CTDP1: variants seen among roughly 807,000 people sequenced by gnomAD.
CTDP1 encodes CTD phosphatase 1.
CTDP1 carries 47 observed loss-of-function variants against 91.8 expected under a neutral mutation model. The ratio of observed to expected loss-of-function variants is 0.51; its 90% CI spans 0.41 to 0.65. CTDP1 has a LOEUF of 0.65. Among genes scored for constraint, CTDP1 ranks in the 30% least tolerant of loss-of-function variants. CTDP1 has a pLI of 0.00. For synonymous variants in CTDP1, 656 were observed against 598.5 expected (o/e 1.10, Z -1.40); for missense variants, 1,272 against 1,373.7 (o/e 0.93, Z 1.17).
chr18:79,727,372 G>A lies in CTDP1; in HGVS notation c.2418-1535G>A, dbSNP rs553777853. Among the ~76,000 whole-genome samples, 13 of 152,292 alleles carry A rather than the reference G, an allele frequency of 8.5e-5. No individual in the cohort carries two copies. The South Asian group carries it at 2.1e-3, about 24-fold the overall frequency. On this transcript the variant is annotated intron_variant, in intron 10 of 12. Transcript: ENST00000613122. ...GCGGGATGGGAAGCGTGGCGTTCAC[G>A]GGATGGAAAGCGCAGCGTTCACGGT...
At chr18:79,729,931 T>G (rs2086532621) in intron 11 of CTDP1, among the ~76,000 whole-genome samples, 1 of 152,206 alleles carries the variant, frequency 6.6e-6, no homozygotes, top group South Asian at 2.1e-4. Flanking sequence ...CCTGCCCGCC[T>G]GGCACCGCTG....
At chr18:79,732,014 C>G (rs2086575616) in intron 11 of CTDP1, among the ~76,000 whole-genome samples, 1 of 151,894 alleles carries the variant, frequency 6.6e-6, no homozygotes, top group South Asian at 2.1e-4. Flanking sequence ...GATGTAAGAA[C>G]TCACTAACAT....
At chr18:79,742,664 C>T (rs919345709) in intron 12 of CTDP1, among the ~76,000 whole-genome samples, 2 of 152,240 alleles carry the variant, frequency 1.3e-5, no homozygotes, top group Admixed American at 1.3e-4. Context: ...GTATAAGACT[C>T]TATGCCTGGA....
chr18:79,743,917 G>A (rs757468808), intron 12 of CTDP1, among the ~76,000 whole-genome samples: 5 of 152,188 alleles, frequency 3.3e-5, no homozygotes, highest in Non-Finnish European at 7.4e-5. Context: ...GGGCCAGCCT[G>A]CCTCCCGTTC....
At chr18:79,730,466 T>TTCGATATCAAA (rs6146422) in intron 11 of CTDP1, among the ~76,000 whole-genome samples, 2 of 152,042 alleles carry the variant, frequency 1.3e-5, no homozygotes, top group South Asian at 4.1e-4. Context: ...TGGTTCTTAA[T>TTCGATATCAAA]GGTTGAATTC....
chr18:79,691,465 GGC>G (rs2085619214), intron 1 of CTDP1, among the ~76,000 whole-genome samples: 1 of 152,058 alleles, frequency 6.6e-6, no homozygotes, highest in Non-Finnish European at 1.5e-5. Context: ...GCAGGACTCG[GGC>G]TGGGGAACAG....
At chr18:79,717,283 G>A (rs1183776187) in intron 8 of CTDP1, among the ~76,000 whole-genome samples, 2 of 147,640 alleles carry the variant, frequency 1.4e-5, no homozygotes, top group Non-Finnish European at 3.0e-5. Context: ...CCTGAGTCCT[G>A]GAGAGGTGCA....
At position 79,715,338 on chromosome 18, in the gene CTDP1, G is replaced by A; in HGVS notation, c.1878G>A (p.Val626=). Residue 626 remains valine (V), a synonymous_variant, in exon 8 of 13, where the codon GTG becomes GTA. Transcript: ENST00000613122. ...AGGCGCCGGACATCCGCAAGATCGT[G>A]CCGGAGCTCAAGAGCAAGGTGCTGG... The part of the protein sequence containing the change: ...IEEAPDIRKI[V]PELKSKVLAD... 6.2e-7 allele frequency: 1 copy of A among 1,608,878 alleles called. No homozygotes were observed. The highest frequency in any genetic ancestry group is 8.5e-7 in the Non-Finnish European group (1 of 1,177,558).
At chr18:79,698,684 T>C (rs2085797913) in intron 4 of CTDP1, among the ~76,000 whole-genome samples, 1 of 152,160 alleles carries the variant, frequency 6.6e-6, no homozygotes, top group Admixed American at 6.5e-5. Flanking sequence ...CTGAGTTGTT[T>C]TTTAAGTGTT....
chr18:79,736,301 G>A (rs976963204), intron 11 of CTDP1, 54 bp from the exon 12 acceptor site: 70 of 1,547,714 alleles, frequency 4.5e-5, no homozygotes, highest in Admixed American at 9.8e-5. Flanking sequence ...AGCCTGTTGC[G>A]GAGGAACGGG....
chr18:79,697,324 G>A (rs671037), intron 3 of CTDP1, among the ~76,000 whole-genome samples: 79,921 of 149,014 alleles, frequency 0.54, 21,551 homozygotes, highest in Middle Eastern at 0.67. Context: ...TCCTGATGCC[G>A]GGGTGACCGG....
intron 12 of CTDP1, among the ~76,000 whole-genome samples, chr18:79,741,752 C>T (rs756403597): frequency 1.3e-5 from 2 of 152,176 alleles, no homozygotes; most frequent in African/African-American, 4.8e-5. Flanking sequence ...TCCTCTTGTC[C>T]GTTTGGGAGG....
At chr18:79,748,516 A>C (rs558306927) in intron 12 of CTDP1, among the ~76,000 whole-genome samples, 1 of 152,326 alleles carries the variant, frequency 6.6e-6, no homozygotes, top group Admixed American at 6.5e-5. Flanking sequence ...ACGTTTTTCC[A>C]AAGTGCGTGG....
chr18:79,748,352 C>T (rs572627364), intron 12 of CTDP1, among the ~76,000 whole-genome samples: 147 of 152,188 alleles, frequency 9.7e-4, no homozygotes, highest in Non-Finnish European at 8.8e-4. Context: ...GTGCAGCATT[C>T]GCAGCACCAG....
In CTDP1 at chr18:79,745,343, G is replaced by GCGTCCCTCCCGTGCGCGTTCTGTC. The variant is rs1568219345; in HGVS notation, c.2748-8308_2748-8307insGTCCCTCCCGTGCGCGTTCTGTCC. 3.1e-4 allele frequency among the ~76,000 whole-genome samples: 9 copies of GCGTCCCTCCCGTGCGCGTTCTGTC among 29,444 alleles called. 1 individual carries two copies. The highest frequency in any genetic ancestry group is 6.0e-4 in the Non-Finnish European group (9 of 15,082). The allele number at this position is 29,444 out of a possible 152,430, so 19.3% of individuals were successfully genotyped here. ...TGCGTCCCTCCCGTGCGCGTTCTGT[G>GCGTCCCTCCCGTGCGCGTTCTGTC]CCCGCGTCCCTCCCGTGCGCGTTCT... On this transcript the variant is annotated intron_variant, in intron 12 of 12. Transcript: ENST00000613122.
At chr18:79,719,127 G>A (rs1469796205) in intron 10 of CTDP1, among the ~76,000 whole-genome samples, 3 of 152,350 alleles carry the variant, frequency 2.0e-5, no homozygotes, top group East Asian at 1.9e-4. Flanking sequence ...AAGCCCAGCC[G>A]GCTTTCGGGA....
intron 12 of CTDP1, among the ~76,000 whole-genome samples, chr18:79,750,504 T>TAA: frequency 6.6e-6 from 1 of 150,640 alleles, no homozygotes; most frequent in Admixed American, 6.6e-5. Context: ...CCTTTTTTTT[T>TAA]CCCCCCCGAG....
chr18:79,715,027 G>C lies in CTDP1; in HGVS notation c.1567G>C (p.Ala523Pro). 1 of 1,603,646 alleles carries C rather than the reference G, an allele frequency of 6.2e-7. No homozygotes were observed. ...LPGEAEPGAH[A>P]PDKEPELGGQ... ...CGGAGAGGCCGAGCCTGGCGCGCAT[G>C]CCCCGGACAAGGAGCCTGAGCTGGG... The change falls in exon 8 of 13, where the codon GCC (alanine) becomes CCC (proline). Residue 523 changes from alanine to proline, a missense_variant. Physicochemically the swap from Ala to Pro is conservative, Grantham distance 27 (BLOSUM62 -1). Around this residue, in one of 3 missense-constraint regions of CTDP1, gnomAD observed 881 missense variants for 911.6 expected, o/e 0.97. Transcript: ENST00000613122.
intron 1 of CTDP1, 43 bp from the exon 2 acceptor site, chr18:79,695,182 C>A (rs767787262): frequency 1.9e-6 from 3 of 1,574,244 alleles, no homozygotes; most frequent in African/African-American, 1.4e-5. Context: ...TTTTGATAAA[C>A]CAAGAGATTT....
Sources: gnomAD v4.1 joint callset for allele counts (sites outside exome capture counted in the v4.1 genomes callset) on GRCh38, gnomAD v4.1.1 for gene constraint, gnomAD v4.1.1 regional missense constraint, MANE v1.5 for transcripts, NCBI Gene and HGNC (gene_info 2026-07-23, HGNC 2026-07-21) for gene names.